The following LRMDA variants were observed in gnomAD, a reference collection of about 807,000 sequenced individuals.
The protein encoded by LRMDA is leucine-rich melanocyte differentiation-associated protein.
A neutral mutation model predicts 29.8 loss-of-function variants in LRMDA; 18 were observed. That is an observed-to-expected ratio of 0.60 (90% confidence interval 0.42 to 0.90). LRMDA has a LOEUF of 0.90. Ranked by LOEUF, LRMDA falls within the 40% of genes least tolerant of loss-of-function variation. LRMDA has a pLI of 0.00. For synonymous variants in LRMDA, 125 were observed against 109.4 expected, an observed-to-expected ratio of 1.14 and a Z score of -0.89; for missense variants, 273 against 273.9, an observed-to-expected ratio of 1.00 and a Z score of 0.02.
chr10:76,080,623 A>T (rs1290263687), intron 5 of LRMDA, among the ~76,000 whole-genome samples: 2 of 152,270 alleles, frequency 1.3e-5, no homozygotes, highest in African/African-American at 4.8e-5. Flanking sequence ...CACTGTCCAC[A>T]TATCAGCTTT....
intron 3 of LRMDA, among the ~76,000 whole-genome samples, chr10:76,036,489 C>G (rs1388323376): frequency 6.6e-6 from 1 of 152,194 alleles, no homozygotes; most frequent in Non-Finnish European, 1.5e-5. Flanking sequence ...AGTCTGTTTG[C>G]TTGGGCTTGT....
intron 5 of LRMDA, among the ~76,000 whole-genome samples, chr10:76,086,356 CA>C (rs1849135363): frequency 6.6e-6 from 1 of 152,164 alleles, no homozygotes; most frequent in Non-Finnish European, 1.5e-5. Flanking sequence ...TGGTAAAAAG[CA>C]GCTGTGGGCT....
At chr10:75,624,890 C>G (rs1389707488) in intron 2 of LRMDA, among the ~76,000 whole-genome samples, 1 of 152,162 alleles carries the variant, frequency 6.6e-6, no homozygotes, top group Admixed American at 6.5e-5. Context: ...AGCTTCCTAA[C>G]CAAGGCACAC....
chr10:76,517,156 G>C (rs978848269), intron 6 of LRMDA, among the ~76,000 whole-genome samples: 1 of 152,118 alleles, frequency 6.6e-6, no homozygotes, highest in Non-Finnish European at 1.5e-5. Context: ...TCCAGGAAGA[G>C]AGAATAGGAA....
chr10:76,218,818 G>T (rs1049991197), intron 5 of LRMDA, among the ~76,000 whole-genome samples: 2 of 152,164 alleles, frequency 1.3e-5, no homozygotes, highest in African/African-American at 4.8e-5. Flanking sequence ...TCAGCTCTGG[G>T]GAAATTGTTG....
At chr10:76,367,965 A>C (rs1564522196) in intron 6 of LRMDA, among the ~76,000 whole-genome samples, 1 of 151,844 alleles carries the variant, frequency 6.6e-6, no homozygotes, top group Non-Finnish European at 1.5e-5. Flanking sequence ...TTCATTTCTT[A>C]GTGAGGTTAT....
chr10:76,533,625 A>G (rs78986602), intron 6 of LRMDA, among the ~76,000 whole-genome samples: 536 of 152,218 alleles, frequency 3.5e-3, no homozygotes, highest in African/African-American at 0.012. Context: ...ATGGATTTCT[A>G]TTTTAAGAAT....
chr10:75,821,771 A>AAAACAAACAAAC (rs71024572), intron 2 of LRMDA, among the ~76,000 whole-genome samples: 3 of 149,242 alleles, frequency 2.0e-5, no homozygotes, highest in African/African-American at 7.4e-5. Flanking sequence ...TCCATCTCAA[A>AAAACAAACAAAC]AAACAAACAA....
At chr10:76,025,406 T>A (rs961958702) in intron 2 of LRMDA, among the ~76,000 whole-genome samples, 11 of 151,370 alleles carry the variant, frequency 7.3e-5, no homozygotes. Flanking sequence ...CAGCCCTCAT[T>A]GCTTTCCTCT....
chr10:76,283,926 A>G (rs1840238369), intron 5 of LRMDA, among the ~76,000 whole-genome samples: 4 of 152,118 alleles, frequency 2.6e-5, no homozygotes, highest in African/African-American at 9.7e-5. Flanking sequence ...TCAGCCTCCC[A>G]AACAGTTGGG....
chr10:75,759,051 G>A (rs1254015600), intron 2 of LRMDA, among the ~76,000 whole-genome samples: 2 of 151,778 alleles, frequency 1.3e-5, no homozygotes, highest in African/African-American at 2.4e-5. Context: ...TCTGTTCTTG[G>A]TAAACCATAG....
At chr10:75,722,114 A>G (rs1842575384) in intron 2 of LRMDA, among the ~76,000 whole-genome samples, 1 of 152,182 alleles carries the variant, frequency 6.6e-6, no homozygotes, top group Non-Finnish European at 1.5e-5. Flanking sequence ...GGGAGAGGCC[A>G]TCTTTGAACT....
chr10:76,070,309 A>G (rs1433255974), intron 5 of LRMDA, among the ~76,000 whole-genome samples: 1 of 152,196 alleles, frequency 6.6e-6, no homozygotes, highest in Non-Finnish European at 1.5e-5. Flanking sequence ...ACAAAATGCC[A>G]TTGACTAGAT....
chr10:75,881,349 G>A (rs1845289732), intron 2 of LRMDA, among the ~76,000 whole-genome samples: 1 of 152,128 alleles, frequency 6.6e-6, no homozygotes, highest in Non-Finnish European at 1.5e-5. Context: ...GGGATAATGA[G>A]GCAGGAGAAT....
chr10:76,004,398 A>T (rs1471538530), intron 2 of LRMDA, among the ~76,000 whole-genome samples: 1 of 152,226 alleles, frequency 6.6e-6, no homozygotes, highest in Non-Finnish European at 1.5e-5. Flanking sequence ...TGTGAATCAC[A>T]GTTTCTTGCT....
chr10:76,184,426 G>T (rs1216212468), intron 5 of LRMDA, among the ~76,000 whole-genome samples: 1 of 152,218 alleles, frequency 6.6e-6, no homozygotes, highest in African/African-American at 2.4e-5. Flanking sequence ...GTTGAAGCAA[G>T]AGATGATCAA....
intron 5 of LRMDA, among the ~76,000 whole-genome samples, chr10:76,275,943 T>C (rs1182638548): frequency 6.6e-6 from 1 of 152,108 alleles, no homozygotes; most frequent in East Asian, 1.9e-4. Flanking sequence ...TATTTTTATG[T>C]ATCTTCAAGT....
At position 75,431,689 on chromosome 10, in the gene LRMDA, C is replaced by T. The variant is rs1228174686; in HGVS notation, c.-36C>T. 7.8e-7 allele frequency: 1 copy of T among 1,282,736 alleles called. No homozygotes were observed. The highest frequency in any genetic ancestry group is 9.8e-7 in the Non-Finnish European group (1 of 1,020,892). The allele number at this position is 1,282,736 out of a possible 1,614,324, so 79.5% of individuals were successfully genotyped here. On this transcript the variant is annotated 5_prime_UTR_variant, in exon 1 of 7. Coordinates refer to ENST00000611255, the MANE Select transcript of LRMDA (RefSeq NM_001305581.2). The stretch of plus-strand genomic sequence containing the variant: ...CCCCGCTGCTGCCGCCGCGCCCCCG[C>T]GCTCCGTCCCGCGCGCCCGCAGCGT...
intron 2 of LRMDA, among the ~76,000 whole-genome samples, chr10:75,994,064 T>G (rs560004781): frequency 6.6e-6 from 1 of 152,340 alleles, no homozygotes; most frequent in East Asian, 1.9e-4. Flanking sequence ...GGCCTATCTA[T>G]TCTTTGTCTG....
Sources: gnomAD v4.1 joint callset for allele counts (sites outside exome capture counted in the v4.1 genomes callset) on GRCh38, gnomAD v4.1.1 for gene constraint, MANE v1.5 for transcripts, NCBI Gene and HGNC (gene_info 2026-07-23, HGNC 2026-07-21) for gene names.